The following BMPR1B variants were observed in gnomAD, a reference collection of about 807,000 sequenced individuals.
The protein encoded by BMPR1B is bone morphogenetic protein receptor type-1B.
A neutral mutation model predicts 59.1 loss-of-function variants in BMPR1B; 12 were observed. That is an observed-to-expected ratio of 0.20 (90% CI 0.13 to 0.33). BMPR1B has a LOEUF of 0.33. BMPR1B is among the 10% of genes least tolerant of loss of function. BMPR1B has a pLI of 1.00. For missense variants in BMPR1B, 550 were observed against 610.9 expected (o/e 0.90, Z 1.05); for synonymous variants, 237 against 207.3 (o/e 1.14, Z -1.23).
At chr4:94,833,794 GGT>G (rs1417597141) in intron 1 of BMPR1B, among the ~76,000 whole-genome samples, 1 of 152,098 alleles carries the variant, frequency 6.6e-6, no homozygotes, top group African/African-American at 2.4e-5. Flanking sequence ...ATATTTCGTG[GGT>G]GTGTGAGGTA....
At chr4:94,983,067 G>C (rs963249947) in intron 2 of BMPR1B, among the ~76,000 whole-genome samples, 2 of 151,816 alleles carry the variant, frequency 1.3e-5, no homozygotes, top group Admixed American at 6.6e-5. Context: ...CTTTCCATTA[G>C]CAGTTTCTTC....
chr4:94,981,003 A>ACGCGCGCGTACGCGCGCGCACGCGCGCG (rs141994255), intron 2 of BMPR1B, among the ~76,000 whole-genome samples: 1 of 90,844 alleles, frequency 1.1e-5, no homozygotes, highest in African/African-American at 3.5e-5. Flanking sequence ...ACACACACAC[A>ACGCGCGCGTACGCGCGCGCACGCGCGCG]CACACACACA....
chr4:94,823,212 A>C (rs373564280), intron 1 of BMPR1B, among the ~76,000 whole-genome samples: 8 of 152,232 alleles, frequency 5.3e-5, no homozygotes, highest in African/African-American at 1.9e-4. Context: ...CTCACCAAAG[A>C]GTGACAGAAG....
Position 95,154,961 on chromosome 4 carries a change from C to A in BMPR1B, c.*288C>A. On this transcript the variant is annotated 3_prime_UTR_variant, in exon 13 of 13. Coordinates refer to ENST00000515059, the MANE Select transcript of BMPR1B (RefSeq NM_001203.3). ...AAGAAAGCCCTGTATTTTGTGATTG[C>A]CTTTTTTTTTTTTTAAGATGCTTTC... The A allele has an allele frequency of 8.8e-6, 3 of 342,066 alleles. No individual in the cohort carries two copies. The highest frequency in any genetic ancestry group is 1.6e-5 in the Non-Finnish European group (3 of 185,240). 21.2% of individuals were successfully genotyped at this position (342,066 alleles called of 1,614,324 possible).
intron 2 of BMPR1B, among the ~76,000 whole-genome samples, chr4:94,884,758 C>T (rs1203795612): frequency 6.6e-6 from 1 of 152,194 alleles, no homozygotes; most frequent in African/African-American, 2.4e-5. Context: ...AACTTCCCTT[C>T]TCCATGTATC....
chr4:94,810,567 T>G (rs1355929425), intron 1 of BMPR1B, among the ~76,000 whole-genome samples: 2 of 152,212 alleles, frequency 1.3e-5, no homozygotes, highest in Non-Finnish European at 2.9e-5. Context: ...ATGAAACATT[T>G]CATCACACAG....
At chr4:95,086,176 C>T (rs566536178) in intron 3 of BMPR1B, among the ~76,000 whole-genome samples, 2 of 152,264 alleles carry the variant, frequency 1.3e-5, no homozygotes, top group South Asian at 2.1e-4. Flanking sequence ...TTTTTCTAAT[C>T]TTGATTGGCA....
chr4:94,875,694 A>G (rs1331849486), intron 1 of BMPR1B, 137 bp from the exon 2 acceptor site: 1 of 152,730 alleles, frequency 6.5e-6, no homozygotes, highest in African/African-American at 2.4e-5. Flanking sequence ...AAAAGAAAAA[A>G]ACGGAAGAAC....
chr4:94,975,259 G>A (rs988020936), intron 2 of BMPR1B, among the ~76,000 whole-genome samples: 3 of 151,738 alleles, frequency 2.0e-5, no homozygotes, highest in Non-Finnish European at 4.4e-5. Context: ...TGCCTTGAGC[G>A]TTCTCAGAGA....
intron 3 of BMPR1B, among the ~76,000 whole-genome samples, chr4:95,047,187 G>A (rs1726120232): frequency 6.6e-6 from 1 of 152,146 alleles, no homozygotes; most frequent in Admixed American, 6.5e-5. Context: ...TCACAGCTAA[G>A]AAAGGAACAA....
chr4:94,830,941 C>T (rs1036581626), intron 1 of BMPR1B, among the ~76,000 whole-genome samples: 2 of 152,108 alleles, frequency 1.3e-5, no homozygotes, highest in Non-Finnish European at 2.9e-5. Flanking sequence ...GACTATGTTA[C>T]AGGTTTATGT....
chr4:94,926,529 G>T (rs1560550746), intron 2 of BMPR1B, among the ~76,000 whole-genome samples: 1 of 152,072 alleles, frequency 6.6e-6, no homozygotes, highest in Non-Finnish European at 1.5e-5. Context: ...ATTTTGAATG[G>T]ATACTCTGGG....
At chr4:94,907,453 C>T (rs1440000352) in intron 2 of BMPR1B, among the ~76,000 whole-genome samples, 1 of 152,026 alleles carries the variant, frequency 6.6e-6, no homozygotes, top group African/African-American at 2.4e-5. Flanking sequence ...GCTTTCAGTT[C>T]AGCACTCAGG....
intron 11 of BMPR1B, among the ~76,000 whole-genome samples, chr4:95,150,519 T>C (rs1168611087): frequency 6.6e-6 from 1 of 151,574 alleles, no homozygotes; most frequent in African/African-American, 2.4e-5. Context: ...TTAATTAAGA[T>C]AGCTTTATGG....
intron 2 of BMPR1B, among the ~76,000 whole-genome samples, chr4:94,914,031 G>A (rs1367406030): frequency 6.6e-6 from 1 of 152,140 alleles, no homozygotes; most frequent in East Asian, 1.9e-4. Context: ...AGTCTAACAA[G>A]TGATAGGAAG....
intron 2 of BMPR1B, among the ~76,000 whole-genome samples, chr4:94,978,210 C>A (rs892457452): frequency 6.6e-6 from 1 of 152,184 alleles, no homozygotes; most frequent in East Asian, 1.9e-4. Context: ...TTATCTACTG[C>A]TTTTTAACAA....
intron 8 of BMPR1B, among the ~76,000 whole-genome samples, chr4:95,129,091 T>A (rs889031366): frequency 6.6e-6 from 1 of 152,138 alleles, no homozygotes; most frequent in Non-Finnish European, 1.5e-5. Context: ...GTGGCAAGAG[T>A]TCCTTCAAAG....
intron 2 of BMPR1B, among the ~76,000 whole-genome samples, chr4:94,948,657 A>C (rs1729809616): frequency 6.6e-6 from 1 of 152,226 alleles, no homozygotes; most frequent in African/African-American, 2.4e-5. Context: ...TGAACTGTAC[A>C]ACCTTGGGCA....
intron 6 of BMPR1B, among the ~76,000 whole-genome samples, chr4:95,120,651 T>TTCCTTCCTTCC (rs767350006): frequency 1.7e-4 from 6 of 34,308 alleles, no homozygotes; most frequent in East Asian, 5.6e-4. Context: ...CCTTCCTTCC[T>TTCCTTCCTTCC]TTCCTTCCTT....
Sources: gnomAD v4.1 joint callset for allele counts (sites outside exome capture counted in the v4.1 genomes callset) on GRCh38, gnomAD v4.1.1 for gene constraint, MANE v1.5 for transcripts, NCBI Gene and HGNC (gene_info 2026-07-23, HGNC 2026-07-21) for gene names.